Variants in ZNF324B observed in about 807,000 individuals in gnomAD.
ZNF324B encodes zinc finger protein 324B.
In ZNF324B, 7 loss-of-function variants were observed where a neutral mutation model predicts 10.6. The observed-to-expected ratio is 0.66, with a 90% confidence interval of 0.38 to 1.24. The LOEUF (loss-of-function observed/expected upper bound fraction) is 1.24, where lower values mean the gene tolerates loss of function less well. ZNF324B is among the 50% of genes most tolerant of loss of function. The pLI is 0.02. For synonymous variants in ZNF324B, 316 were observed against 321.0 expected, an observed-to-expected ratio of 0.98 and a Z score of 0.17; for missense variants, 640 against 764.7, an observed-to-expected ratio of 0.84 and a Z score of 1.92.
chr19:58,447,922 G>A (rs1475872807), upstream of ZNF324B, among the ~76,000 whole-genome samples: 1 of 152,102 alleles, frequency 6.6e-6, no homozygotes, highest in Non-Finnish European at 1.5e-5. Context: ...CTTTTGCTTG[G>A]CTCTCATTTG....
At chr19:58,448,691 C>T (rs561364136), upstream of ZNF324B, among the ~76,000 whole-genome samples, 3 of 152,058 alleles carry the variant, frequency 2.0e-5, no homozygotes, top group Non-Finnish European at 4.4e-5. Context: ...TGCAACACTG[C>T]CCTGCAGCCT....
In ZNF324B at chr19:58,455,819, A is replaced by C. The variant is rs199830800; in HGVS notation, c.875A>C (p.Lys292Thr). ...ERPYECTQCGKAFSQTSHLTQ... is the reference protein window; with the variant it reads ...ERPYECTQCGTAFSQTSHLTQ... ...CCCTACGAGTGCACCCAGTGCGGCA[A>C]GGCCTTCAGCCAGACGTCGCACTTG... The change falls in exon 4 of 4, where the codon AAG (lysine) becomes ACG (threonine). Residue 292 changes from lysine to threonine, a missense_variant. Physicochemically the swap from Lys to Thr is moderately conservative, Grantham distance 78. Transcript: ENST00000336614. This position sits in a 1 kb window ranked among gnomAD's most constrained non-coding sequence, Gnocchi z 7.0. 1.2e-4 allele frequency: 187 copies of C among 1,613,916 alleles called. 2 individuals are homozygous for C. The highest frequency in any genetic ancestry group is 1.4e-4 in the Non-Finnish European group (170 of 1,179,984).
chr19:58,433,510 T>A, the ZNF324B span: 2 of 1,614,212 alleles, frequency 1.2e-6, no homozygotes, highest in Non-Finnish European at 1.7e-6. Flanking sequence ...AACTCTCTGA[T>A]GACGAACCAG....
At chr19:58,418,866 T>C in the ZNF324B span, 1 of 152,238 alleles carries the variant, frequency 6.6e-6, no homozygotes, top group Non-Finnish European at 1.5e-5. Flanking sequence ...TGCCTCAGCC[T>C]TCCAAAGTGC....
Position 58,456,423 on chromosome 19 carries a change from C to A in ZNF324B, c.1479C>A (p.Arg493=), listed in dbSNP as rs770756989. 43 of 1,612,264 alleles carry A rather than the reference C, an allele frequency of 2.7e-5. 1 individual carries two copies. The Middle Eastern group carries it at 9.9e-4, about 37-fold the overall frequency. The change falls in exon 4 of 4, where the codon CGC becomes CGA. Residue 493 remains arginine (R), a synonymous_variant. Transcript: ENST00000336614. This position sits in a 1 kb window ranked among gnomAD's most constrained non-coding sequence, Gnocchi z 4.7. ...CTQCGRAFRE[R]PALLHHQRIH... ...AGTGTGGCCGCGCCTTCCGTGAGCGCCCTGCCCTCTTGCACCACCAGAGGA... is the reference window on the plus strand; with the variant it reads ...AGTGTGGCCGCGCCTTCCGTGAGCGACCTGCCCTCTTGCACCACCAGAGGA...
chr19:58,420,517 C>G, the ZNF324B span, among the ~76,000 whole-genome samples: 1 of 113,190 alleles, frequency 8.8e-6, no homozygotes, highest in South Asian at 2.5e-4. Flanking sequence ...TCGCTTGAGC[C>G]GAGAAGTTCA....
upstream of ZNF324B, among the ~76,000 whole-genome samples, chr19:58,449,080 C>T (rs2052839577): frequency 6.6e-6 from 1 of 152,180 alleles, no homozygotes; most frequent in South Asian, 2.1e-4. Context: ...GTGCAGCCTA[C>T]AGACTTGGTG....
the ZNF324B span, among the ~76,000 whole-genome samples, chr19:58,420,154 C>T: frequency 6.6e-6 from 1 of 152,120 alleles, no homozygotes; most frequent in Non-Finnish European, 1.5e-5. Context: ...TGCAGTGGCT[C>T]ACGCCTGTAA....
rs368715807 is a variant in ZNF324B at position 58,451,650 on chromosome 19, C to A, written c.-61C>A. On this transcript the variant is annotated 5_prime_UTR_variant, in exon 1 of 4. Coordinates refer to ENST00000336614, the MANE Select transcript of ZNF324B (RefSeq NM_207395.3). Reference sequence around the variant, plus strand: ...ACTTGGCTGCTCGCGTCAGGCCACACCGGTGGTCTGGGCTGTGGCGCGCGG... The same window carrying A: ...ACTTGGCTGCTCGCGTCAGGCCACAACGGTGGTCTGGGCTGTGGCGCGCGG... 2 of 516,070 alleles carry A rather than the reference C, an allele frequency of 3.9e-6. No homozygotes were observed. The highest frequency in any genetic ancestry group is 7.7e-6 in the Non-Finnish European group (2 of 258,644). 32.0% of individuals were successfully genotyped at this position (516,070 alleles called of 1,614,324 possible).
upstream of ZNF324B, among the ~76,000 whole-genome samples, chr19:58,451,215 A>T (rs559151733): frequency 6.6e-6 from 1 of 152,266 alleles, no homozygotes; most frequent in South Asian, 2.1e-4. Flanking sequence ...AGCTCCAGGC[A>T]TCTGCTCCTC....
intron 3 of ZNF324B, chr19:58,454,667 A>C: frequency 1.8e-6 from 1 of 558,884 alleles, no homozygotes; most frequent in South Asian, 2.6e-5. Flanking sequence ...ATGTTTCCTG[A>C]GGGCTTGTGG....
chr19:58,450,625 T>C (rs528926199), upstream of ZNF324B, among the ~76,000 whole-genome samples: 2 of 152,332 alleles, frequency 1.3e-5, no homozygotes, highest in Non-Finnish European at 2.9e-5. Context: ...TCTTACACTA[T>C]AGGGATCTAC....
chr19:58,427,525 TTTC>T, the ZNF324B span, among the ~76,000 whole-genome samples: 1 of 142,714 alleles, frequency 7.0e-6, no homozygotes, highest in Admixed American at 7.1e-5. Flanking sequence ...TCTTTCTTTC[TTTC>T]TTTTCTTGTA....
At chr19:58,451,295 C>T (rs1028572192), upstream of ZNF324B, among the ~76,000 whole-genome samples, 9 of 152,356 alleles carry the variant, frequency 5.9e-5, no homozygotes, top group African/African-American at 1.9e-4. Context: ...TCTGGAACCT[C>T]CGCAGTTTCT....
the ZNF324B span, among the ~76,000 whole-genome samples, chr19:58,421,111 G>C: frequency 6.6e-6 from 1 of 151,922 alleles, no homozygotes; most frequent in African/African-American, 2.4e-5. Context: ...AGTAACTTCC[G>C]AGTGTTGCCA....
At chr19:58,433,684 A>T in the ZNF324B span, 1 of 1,614,098 alleles carries the variant, frequency 6.2e-7, no homozygotes. Flanking sequence ...CTGATGCTTA[A>T]TGAGAATGGA....
Position 58,456,122 on chromosome 19 carries a change from G to A in ZNF324B, c.1178G>A (p.Gly393Asp). Residue 393 changes from glycine (G) to aspartate (D), a missense_variant, in exon 4 of 4, where the codon GGC becomes GAC. By Grantham distance (94) the Gly-to-Asp change is moderately conservative. Coordinates refer to ENST00000336614, the MANE Select transcript of ZNF324B (RefSeq NM_207395.3). This position sits in a 1 kb window ranked among gnomAD's most constrained non-coding sequence, Gnocchi z 4.7. ...ATCCAGCACGAGCGTACGCACACAG[G>A]CGAGAAGCCCTTCGTATGCGCGCTC... ...HLIQHERTHT[G>D]EKPFVCALCG... The A allele has an allele frequency of 1.2e-6, 2 of 1,613,406 alleles. No homozygotes were observed. Among genetic ancestry groups the A allele is most frequent in the Non-Finnish European group, 1.7e-6 (2 of 1,179,874 alleles).
the ZNF324B span, chr19:58,433,779 G>T: frequency 1.2e-6 from 2 of 1,614,190 alleles, no homozygotes; most frequent in Non-Finnish European, 1.7e-6. Flanking sequence ...TGAGAGTGGA[G>T]CTGTGAGCAA....
the ZNF324B span, chr19:58,433,227 T>C: frequency 3.8e-6 from 5 of 1,309,532 alleles, no homozygotes; most frequent in African/African-American, 7.4e-5. Flanking sequence ...ACATTAGCAG[T>C]ACATGTAGGT....
Sources: allele counts gnomAD v4.1 joint callset (sites outside exome capture counted in the v4.1 genomes callset), GRCh38; gene constraint gnomAD v4.1.1; non-coding constraint Gnocchi (gnomAD v3.1); transcripts MANE v1.5; gene names NCBI Gene and HGNC (gene_info 2026-07-23, HGNC 2026-07-21).